The following ABAT variants were observed in gnomAD, a reference collection of about 807,000 sequenced individuals.
ABAT encodes 4-aminobutyrate aminotransferase, mitochondrial.
ABAT carries 45 observed loss-of-function variants against 64.6 expected under a neutral mutation model. The observed-to-expected ratio is 0.70, with a 90% CI of 0.55 to 0.89. ABAT has a LOEUF of 0.89. Ranked by LOEUF, ABAT falls within the 40% of genes least tolerant of loss-of-function variation. ABAT has a pLI of 0.00. For synonymous variants in ABAT, 297 were observed against 250.5 expected (o/e 1.19, Z -1.75); for missense variants, 633 against 658.4 (o/e 0.96, Z 0.42).
intron 5 of ABAT, among the ~76,000 whole-genome samples, chr16:8,750,785 G>C (rs563598352): frequency 2.4e-4 from 37 of 152,060 alleles, no homozygotes; most frequent in Admixed American, 6.6e-5. Context: ...TCCCCATTTT[G>C]CAGATAGGTA....
intron 5 of ABAT, among the ~76,000 whole-genome samples, chr16:8,750,943 CTTTT>C (rs71301327): frequency 4.6e-5 from 5 of 109,720 alleles, no homozygotes; most frequent in East Asian, 2.6e-4. Flanking sequence ...TTTTTCCCTG[CTTTT>C]TTTTTTTTTT....
chr16:8,732,386 G>C (rs1380914947), intron 1 of ABAT, among the ~76,000 whole-genome samples: 4 of 150,662 alleles, frequency 2.7e-5, no homozygotes, highest in Non-Finnish European at 5.9e-5. Context: ...CAGTGTTTGT[G>C]TCCCTGGGTA....
intron 1 of ABAT, among the ~76,000 whole-genome samples, chr16:8,691,688 C>G (rs1273362): frequency 0.39 from 58,849 of 151,996 alleles, 11,726 homozygotes; most frequent in East Asian, 0.62. Context: ...CGATCCTCTG[C>G]CCTCAGCCTC....
intron 1 of ABAT, among the ~76,000 whole-genome samples, chr16:8,704,722 C>T (rs1265968366): frequency 6.6e-6 from 1 of 152,122 alleles, no homozygotes; most frequent in East Asian, 1.9e-4. Context: ...AATCACTTCC[C>T]TGTCTTTTTA....
At chr16:8,741,368 A>G (rs1244163426) in intron 2 of ABAT, among the ~76,000 whole-genome samples, 1 of 152,266 alleles carries the variant, frequency 6.6e-6, no homozygotes. Context: ...TTCCATTCAT[A>G]GCTTCTAGGA....
chr16:8,690,594 A>G (rs1427580842), intron 1 of ABAT, among the ~76,000 whole-genome samples: 1 of 152,188 alleles, frequency 6.6e-6, no homozygotes, highest in Non-Finnish European at 1.5e-5. Flanking sequence ...AGATGTTTCC[A>G]ATCTGTGCCT....
At chr16:8,676,631 CA>C (rs547379678) in intron 1 of ABAT, among the ~76,000 whole-genome samples, 138 of 152,330 alleles carry the variant, frequency 9.1e-4, no homozygotes, top group Admixed American at 2.5e-3. Flanking sequence ...TGCCAAAATC[CA>C]AACTGACCCA....
At chr16:8,743,883 C>G (rs1182813167) in intron 2 of ABAT, among the ~76,000 whole-genome samples, 2 of 152,092 alleles carry the variant, frequency 1.3e-5, no homozygotes, top group African/African-American at 4.8e-5. Context: ...GGTGAAAGAT[C>G]AAGAGTAACA....
At chr16:8,757,064 C>T in intron 5 of ABAT, 1 of 429,662 alleles carries the variant, frequency 2.3e-6, no homozygotes, top group Non-Finnish European at 4.6e-6. Flanking sequence ...CCCATGGGCG[C>T]TGGGAAGGAA....
intron 1 of ABAT, among the ~76,000 whole-genome samples, chr16:8,720,092 C>T (rs966832199): frequency 6.6e-6 from 1 of 152,168 alleles, no homozygotes; most frequent in South Asian, 2.1e-4. Context: ...GGATTACAGG[C>T]GTGAGCCATC....
intron 1 of ABAT, among the ~76,000 whole-genome samples, chr16:8,703,840 C>A (rs551616476): frequency 1.9e-4 from 29 of 152,224 alleles, no homozygotes; most frequent in African/African-American, 5.8e-4. Flanking sequence ...CATGTGGTTT[C>A]TCTTGCCACT....
chr16:8,738,942 G>C (rs1490368595), intron 2 of ABAT, among the ~76,000 whole-genome samples: 1 of 152,164 alleles, frequency 6.6e-6, no homozygotes, highest in Non-Finnish European at 1.5e-5. Flanking sequence ...ACTGCACCTG[G>C]CCAAGGTTTT....
chr16:8,737,869 A>C (rs2058997093), intron 2 of ABAT, among the ~76,000 whole-genome samples: 1 of 145,054 alleles, frequency 6.9e-6, no homozygotes, highest in African/African-American at 2.6e-5. Context: ...CGGAGGTTGC[A>C]GTAAGCTGAG....
At chr16:8,677,561 T>G (rs1002181937) in intron 1 of ABAT, among the ~76,000 whole-genome samples, 1 of 152,134 alleles carries the variant, frequency 6.6e-6, no homozygotes, top group African/African-American at 2.4e-5. Flanking sequence ...TGGGCACTGT[T>G]GACAGTTGGG....
chr16:8,714,618 G>C (rs67753015), intron 1 of ABAT: 14,866 of 152,564 alleles, frequency 0.097, 1,077 homozygotes, highest in African/African-American at 0.2. Context: ...TGAAAGGTTG[G>C]CGCTGAAGAT....
intron 1 of ABAT, among the ~76,000 whole-genome samples, chr16:8,708,513 C>G (rs1215995553): frequency 1.3e-5 from 2 of 152,122 alleles, no homozygotes; most frequent in Non-Finnish European, 2.9e-5. Flanking sequence ...GTTGCCCAGG[C>G]TGGTCTTGAA....
At chr16:8,676,200 A>C (rs1180939553) in intron 1 of ABAT, among the ~76,000 whole-genome samples, 1 of 152,034 alleles carries the variant, frequency 6.6e-6, no homozygotes, top group Non-Finnish European at 1.5e-5. Context: ...CCACGGGGAG[A>C]GGTAAATGGT....
rs560483520 is a variant in ABAT, at chr16:8,698,227, C to G, written c.-42+23516C>G. On this transcript the variant is annotated intron_variant, in intron 1 of 15. Transcript: ENST00000268251. ...AGGAGTGGTTGAGAATAACTGAGTA[C>G]ATGGCCCTCCTTCAGCAATTGCTCT... Among the ~76,000 whole-genome samples, 8 of 152,278 alleles carry G rather than the reference C, an allele frequency of 5.3e-5. No individual in the cohort carries two copies. In the South Asian group the frequency reaches 1.7e-3, roughly 32 times the overall value.
chr16:8,680,601 T>A (rs1415562411), intron 1 of ABAT, among the ~76,000 whole-genome samples: 1 of 152,142 alleles, frequency 6.6e-6, no homozygotes, highest in Non-Finnish European at 1.5e-5. Flanking sequence ...AATTTTTTTG[T>A]ATTTTTAGTA....
Sources: gnomAD v4.1 joint callset for allele counts (sites outside exome capture counted in the v4.1 genomes callset) on GRCh38, gnomAD v4.1.1 for gene constraint, MANE v1.5 for transcripts, NCBI Gene and HGNC (gene_info 2026-07-23, HGNC 2026-07-21) for gene names.